EP300: variants seen among roughly 807,000 people sequenced by gnomAD.
EP300 encodes the protein histone acetyltransferase p300.
In EP300, 31 loss-of-function variants were observed where a neutral mutation model predicts 264.0. The ratio of observed to expected loss-of-function variants is 0.12; its 90% confidence interval spans 0.09 to 0.16. The LOEUF (loss-of-function observed/expected upper bound fraction) is 0.16, where lower values mean the gene tolerates loss of function less well. Among genes scored for constraint, EP300 ranks in the 10% least tolerant of loss-of-function variants. The pLI, the probability that EP300 is intolerant of heterozygous loss-of-function variation, is 1.00. For missense variants in EP300, 2,766 were observed against 3,052.9 expected (o/e 0.91, Z 2.21); for synonymous variants, 1,340 against 1,045.4 (o/e 1.28, Z -5.44).
Position 41,167,584 on chromosome 22 carries a change from G to GTATATA in EP300, c.3875-818_3875-813dup, listed in dbSNP as rs56131556. 4.1e-3 allele frequency among the ~76,000 whole-genome samples: 142 copies of GTATATA among 34,260 alleles called. 1 individual carries two copies. Among genetic ancestry groups the GTATATA allele is most frequent in the Non-Finnish European group, 5.5e-3 (113 of 20,644 alleles). The allele number at this position is 34,260 out of a possible 152,430, so 22.5% of individuals were successfully genotyped here. ...TTTGTGTGTGTGTGTGTGTGTGTGTGTATATATATATATATATATATATAT... is the reference window on the plus strand; with the variant it reads ...TTTGTGTGTGTGTGTGTGTGTGTGTGTATATATATATATATATATATATATATATAT... On this transcript the variant is annotated intron_variant, in intron 23 of 30. Coordinates refer to ENST00000263253, the MANE Select transcript of EP300 (RefSeq NM_001429.4).
chr22:41,178,268 A>G lies in EP300; in HGVS notation c.6557A>G (p.Gln2186Arg). The G allele has an allele frequency of 6.2e-7, 1 of 1,614,082 alleles. No individual in the cohort carries two copies. The highest frequency in any genetic ancestry group is 8.5e-7 in the Non-Finnish European group (1 of 1,180,000). Reference protein sequence around the residue: ...PSQFRDILRRQQMMQQQQQQG... With the variant: ...PSQFRDILRRRQMMQQQQQQG... ...CAATTCCGAGACATCTTGAGACGACAGCAAATGATGCAACAGCAGCAGCAA... is the reference window on the plus strand; with the variant it reads ...CAATTCCGAGACATCTTGAGACGACGGCAAATGATGCAACAGCAGCAGCAA... Residue 2186 changes from glutamine (Q) to arginine (R), a missense_variant, in exon 31 of 31, where the codon CAG becomes CGG. Transcript: ENST00000263253.
intron 1 of EP300, among the ~76,000 whole-genome samples, chr22:41,104,139 C>T (rs908607824): frequency 1.3e-5 from 2 of 152,028 alleles, no homozygotes; most frequent in Non-Finnish European, 2.9e-5. Flanking sequence ...TGTAGGCCTT[C>T]CCTTGTAACA....
At chr22:41,154,913 T>A in intron 16 of EP300, 82 bp from the exon 17 acceptor site, 1 of 950,370 alleles carries the variant, frequency 1.1e-6, no homozygotes. Flanking sequence ...TTGAGATGCT[T>A]TTAGAGCTTC....
chr22:41,156,116 G>A (rs2059075469), intron 17 of EP300, among the ~76,000 whole-genome samples: 2 of 151,940 alleles, frequency 1.3e-5, no homozygotes, highest in Admixed American at 1.3e-4. Flanking sequence ...GGTTCAAGCA[G>A]TTCTCCTACC....
intron 27 of EP300, 81 bp downstream of exon 27, chr22:41,170,652 ACTTTTTT>A: frequency 1.1e-6 from 1 of 915,308 alleles, no homozygotes; most frequent in East Asian, 3.2e-5. Context: ...CTGTCATTTA[ACTTTTTT>A]TTTTTTTTTT....
chr22:41,151,303 C>T (rs1044082280), intron 14 of EP300, among the ~76,000 whole-genome samples: 3 of 152,078 alleles, frequency 2.0e-5, no homozygotes, highest in Non-Finnish European at 2.9e-5. Flanking sequence ...AGGATACTTC[C>T]AGAAAATACT....
chr22:41,146,707 G>A (rs746042539), intron 10 of EP300, 32 bp from the exon 11 acceptor site: 6 of 1,594,994 alleles, frequency 3.8e-6, no homozygotes, highest in South Asian at 3.3e-5. Flanking sequence ...GGAAGATGGT[G>A]CAAAGATACT....
chr22:41,166,579 A>G lies in EP300; in HGVS notation c.3807-20A>G, dbSNP rs371822185. On this transcript the variant is annotated intron_variant, in intron 22 of 30. Coordinates refer to ENST00000263253, the MANE Select transcript of EP300 (RefSeq NM_001429.4). ...ACGGTTTATCTAAGTTGTGTAAGCA[A>G]AGTTTTGGTTTACATTTAGATTCGT... 3.7e-6 allele frequency: 6 copies of G among 1,608,492 alleles called. No individual in the cohort carries two copies. Among genetic ancestry groups the G allele is most frequent in the Middle Eastern group, 1.7e-4 (1 of 6,048 alleles).
At chr22:41,133,219 C>T (rs1389061421) in intron 6 of EP300, among the ~76,000 whole-genome samples, 8 of 140,760 alleles carry the variant, frequency 5.7e-5, no homozygotes, top group African/African-American at 1.3e-4. Context: ...TACAGTGGCA[C>T]GATCTTGGCT....
intron 28 of EP300, 36 bp from the exon 29 acceptor site, chr22:41,173,587 A>G: frequency 6.2e-7 from 1 of 1,612,358 alleles, no homozygotes; most frequent in Non-Finnish European, 8.5e-7. Flanking sequence ...CTTAACAAAA[A>G]CCTTATTTTC....
At chr22:41,105,891 T>C (rs545392655) in intron 1 of EP300, among the ~76,000 whole-genome samples, 3 of 152,370 alleles carry the variant, frequency 2.0e-5, no homozygotes, top group African/African-American at 7.2e-5. Flanking sequence ...TGTATAATTA[T>C]CATCTTTTAT....
intron 10 of EP300, among the ~76,000 whole-genome samples, chr22:41,141,665 C>CGTT (rs202227969): frequency 6.8e-6 from 1 of 146,122 alleles, no homozygotes; most frequent in Non-Finnish European, 1.5e-5. Flanking sequence ...TCTAGGAACT[C>CGTT]TTTTTTTTTT....
Position 41,179,494 on chromosome 22 carries a change from T to C in EP300, c.*538T>C, listed in dbSNP as rs924161180. The stretch of plus-strand genomic sequence containing the variant: ...TATATATTAAAATACCAGTTTTTTT[T>C]CTCTGGGTGCAAAGATGTTCATTCT... On this transcript the variant is annotated 3_prime_UTR_variant, in exon 31 of 31. Coordinates refer to ENST00000263253, the MANE Select transcript of EP300 (RefSeq NM_001429.4). The C allele has an allele frequency of 2.8e-4, 48 of 173,464 alleles. No individual in the cohort carries two copies. The highest frequency in any genetic ancestry group is 8.9e-4 in the African/African-American group (37 of 41,452). The allele number at this position is 173,464 out of a possible 1,614,324, so 10.7% of individuals were successfully genotyped here.
intron 8 of EP300, 37 bp from the exon 9 acceptor site, chr22:41,140,103 G>T (rs1323448245): frequency 1.4e-6 from 2 of 1,418,826 alleles, no homozygotes; most frequent in Non-Finnish European, 2.0e-6. Context: ...ATTAAATGCT[G>T]ACATGATATT....
rs372711131 is a variant in EP300 at position 41,147,815 on chromosome 22, A to G, written c.2132-22A>G. 6 of 1,485,156 alleles carry G rather than the reference A, an allele frequency of 4.0e-6. No homozygotes were observed. The East Asian group carries it at 6.8e-5, about 17-fold the overall frequency. The allele number at this position is 1,485,156 out of a possible 1,614,324, so 92.0% of individuals were successfully genotyped here. On this transcript the variant is annotated intron_variant, in intron 11 of 30. Transcript: ENST00000263253. ...CAATTTCACAAAGGCATTCAGATCT[A>G]ACATTTTGCTCATATTCACAGGTTT...
intron 2 of EP300, among the ~76,000 whole-genome samples, chr22:41,118,170 A>G (rs896679332): frequency 2.0e-5 from 3 of 152,146 alleles, no homozygotes; most frequent in Non-Finnish European, 4.4e-5. Context: ...TGGATACTCC[A>G]TTTGTTCCTA....
chr22:41,094,739 C>T (rs1397820522), intron 1 of EP300, among the ~76,000 whole-genome samples: 3 of 152,030 alleles, frequency 2.0e-5, no homozygotes, highest in Admixed American at 6.6e-5. Context: ...GTAGTTTTTG[C>T]TTTTTAGTTT....
rs753195576 is a variant in EP300, at chr22:41,178,222, A to C, written c.6511A>C (p.Asn2171His). The change falls in exon 31 of 31, where the codon AAC becomes CAC. Residue 2171 changes from asparagine (N) to histidine (H), a missense_variant. Coordinates refer to ENST00000263253, the MANE Select transcript of EP300 (RefSeq NM_001429.4). Reference protein sequence around the residue: ...MSPQAQQMNMNHNTMPSQFRD... With the variant: ...MSPQAQQMNMHHNTMPSQFRD... ...CCCCCAGGCTCAGCAGATGAACATG[A>C]ACCACAACACCATGCCTTCACAATT... 3 of 1,613,922 alleles carry C rather than the reference A, an allele frequency of 1.9e-6. No individual in the cohort carries two copies. Among genetic ancestry groups the C allele is most frequent in the Non-Finnish European group, 1.7e-6 (2 of 1,179,990 alleles).
chr22:41,105,198 G>GAA (rs764225630), intron 1 of EP300, among the ~76,000 whole-genome samples: 7 of 60,912 alleles, frequency 1.1e-4, no homozygotes, highest in African/African-American at 3.9e-4. Flanking sequence ...CTCCATCTCA[G>GAA]AAAAAAAAAA....
Sources: gnomAD v4.1 joint callset for allele counts (sites outside exome capture counted in the v4.1 genomes callset) on GRCh38, gnomAD v4.1.1 for gene constraint, MANE v1.5 for transcripts, NCBI Gene and HGNC (gene_info 2026-07-23, HGNC 2026-07-21) for gene names.